FSHR: variants seen among roughly 807,000 people sequenced by gnomAD.
FSHR encodes the protein follicle stimulating hormone receptor.
In FSHR, 46 loss-of-function variants were observed where a neutral mutation model predicts 52.1. The observed-to-expected ratio is 0.88, with a 90% confidence interval of 0.70 to 1.13. FSHR has a LOEUF of 1.13. Ranked by LOEUF, FSHR falls within the 50% of genes most tolerant of loss-of-function variation. The pLI, the probability that FSHR is intolerant of heterozygous loss-of-function variation, is 0.00. For missense variants in FSHR, 964 were observed against 834.6 expected, an observed-to-expected ratio of 1.16 and a Z score of -1.91; for synonymous variants, 399 against 309.6, an observed-to-expected ratio of 1.29 and a Z score of -3.03.
intron 1 of FSHR, among the ~76,000 whole-genome samples, chr2:49,085,604 C>T (rs1241693567): frequency 6.6e-6 from 1 of 152,092 alleles, no homozygotes; most frequent in Non-Finnish European, 1.5e-5. Context: ...CCCAGCCATC[C>T]CATTACTGGG....
chr2:48,977,494 C>A (rs2268360), intron 8 of FSHR, among the ~76,000 whole-genome samples: 123,198 of 152,108 alleles, frequency 0.81, 50,303 homozygotes, highest in African/African-American at 0.92. Context: ...AAGGGGACAA[C>A]GTGGCTTTTG....
At chr2:49,013,477 T>TAAAA (rs1558389370) in intron 4 of FSHR, among the ~76,000 whole-genome samples, 32 of 120,454 alleles carry the variant, frequency 2.7e-4, no homozygotes, top group African/African-American at 9.5e-4. Context: ...TATATATATA[T>TAAAA]ATAAATAAAT....
Position 49,154,469 on chromosome 2 carries a change from C to A in FSHR, c.-52G>T. The A allele has an allele frequency of 1.3e-6, 2 of 1,590,820 alleles. No homozygotes were observed. Among genetic ancestry groups the A allele is most frequent in the South Asian group, 1.1e-5 (1 of 90,232 alleles). ...TTCCTGCATTTGCAGAGAAAAACCT[C>A]CACAGATCTCAGAAGCTCCACACAG... is the stretch of plus-strand genomic sequence containing the variant. On this transcript the variant is annotated 5_prime_UTR_variant, in exon 1 of 10. Coordinates refer to ENST00000406846, the MANE Select transcript of FSHR (RefSeq NM_000145.4).
chr2:49,111,845 ATTATTTCTTACTC>A, intron 1 of FSHR, among the ~76,000 whole-genome samples: 1 of 152,160 alleles, frequency 6.6e-6, no homozygotes, highest in Non-Finnish European at 1.5e-5. Context: ...CCCCTCAGTA[ATTATTTCTTACTC>A]TCAAACAGTA....
At chr2:48,984,435 A>G (rs1483586945) in intron 6 of FSHR, among the ~76,000 whole-genome samples, 1 of 152,214 alleles carries the variant, frequency 6.6e-6, no homozygotes, top group African/African-American at 2.4e-5. Flanking sequence ...TACAGGATTC[A>G]GCAAACTTTT....
intron 1 of FSHR, among the ~76,000 whole-genome samples, chr2:49,085,865 C>CA (rs1020513925): frequency 1.4e-5 from 2 of 146,486 alleles, no homozygotes; most frequent in African/African-American, 2.5e-5. Context: ...ATCCCAAGGA[C>CA]AAAAAACCAA....
chr2:49,004,710 A>G (rs1372213055), intron 4 of FSHR, among the ~76,000 whole-genome samples: 2 of 152,150 alleles, frequency 1.3e-5, no homozygotes, highest in Admixed American at 6.5e-5. Context: ...TGAGGATGAT[A>G]TAGCAATAAG....
chr2:48,978,851 C>T (rs576889261), intron 8 of FSHR, among the ~76,000 whole-genome samples: 1 of 152,318 alleles, frequency 6.6e-6, no homozygotes, highest in Admixed American at 6.5e-5. Context: ...CCCTCAACTA[C>T]AAATTTTGCC....
chr2:49,109,387 A>G (rs1475313933), intron 1 of FSHR, among the ~76,000 whole-genome samples: 2 of 152,132 alleles, frequency 1.3e-5, no homozygotes, highest in Non-Finnish European at 2.9e-5. Flanking sequence ...TAAGTGTTTT[A>G]TCTGGGTTGG....
At chr2:49,120,824 T>G (rs1050256063) in intron 1 of FSHR, among the ~76,000 whole-genome samples, 2 of 152,260 alleles carry the variant, frequency 1.3e-5, no homozygotes, top group Non-Finnish European at 2.9e-5. Context: ...GCTGAGTATA[T>G]CTCTGCTTCT....
intron 1 of FSHR, among the ~76,000 whole-genome samples, chr2:49,152,467 T>C (rs1673097511): frequency 6.6e-6 from 1 of 152,018 alleles, no homozygotes; most frequent in Non-Finnish European, 1.5e-5. Flanking sequence ...CTTTAGGGTG[T>C]GGGGGTGGAT....
At chr2:49,090,520 G>A (rs1455175000) in intron 1 of FSHR, among the ~76,000 whole-genome samples, 1 of 152,174 alleles carries the variant, frequency 6.6e-6, no homozygotes, top group African/African-American at 2.4e-5. Flanking sequence ...TTCACCTGTT[G>A]AAGTACCTTT....
chr2:49,140,046 T>C (rs996651548), intron 1 of FSHR, among the ~76,000 whole-genome samples: 1 of 152,136 alleles, frequency 6.6e-6, no homozygotes, highest in African/African-American at 2.4e-5. Context: ...TCTCAGATTG[T>C]ATTACTTAGG....
intron 8 of FSHR, among the ~76,000 whole-genome samples, chr2:48,974,969 T>A (rs1357457201): frequency 6.6e-6 from 1 of 152,168 alleles, no homozygotes; most frequent in East Asian, 1.9e-4. Context: ...ATTTTTATGA[T>A]GCAAATATAC....
intron 1 of FSHR, among the ~76,000 whole-genome samples, chr2:49,104,934 A>G (rs1452311347): frequency 6.6e-6 from 1 of 152,286 alleles, no homozygotes; most frequent in Non-Finnish European, 1.5e-5. Flanking sequence ...GAGGGCATGT[A>G]GAGAATGAGA....
At chr2:49,100,321 A>C (rs60745617) in intron 1 of FSHR, among the ~76,000 whole-genome samples, 22,322 of 152,108 alleles carry the variant, frequency 0.15, 1,667 homozygotes, top group East Asian at 0.24. Context: ...AGGTGGGATT[A>C]TACCCAGAGG....
intron 6 of FSHR, among the ~76,000 whole-genome samples, chr2:48,987,062 A>G (rs1208448287): frequency 7.2e-5 from 11 of 152,288 alleles, no homozygotes; most frequent in Non-Finnish European, 2.9e-5. Flanking sequence ...AAATGTTTAC[A>G]TTTATCACCA....
chr2:49,088,551 T>C (rs1670484208), intron 1 of FSHR, among the ~76,000 whole-genome samples: 1 of 152,234 alleles, frequency 6.6e-6, no homozygotes, highest in Non-Finnish European at 1.5e-5. Flanking sequence ...TCGACTTTAA[T>C]GATTCACTGT....
At chr2:49,064,509 G>A (rs1398530874) in intron 2 of FSHR, among the ~76,000 whole-genome samples, 2 of 152,052 alleles carry the variant, frequency 1.3e-5, no homozygotes, top group African/African-American at 2.4e-5. Flanking sequence ...CTCACCAGAT[G>A]CTGGAGACTT....
Sources: allele counts gnomAD v4.1 joint callset (sites outside exome capture counted in the v4.1 genomes callset), GRCh38; gene constraint gnomAD v4.1.1; transcripts MANE v1.5; gene names NCBI Gene and HGNC (gene_info 2026-07-23, HGNC 2026-07-21).